The following SETDB2 variants were observed in gnomAD, a reference collection of about 807,000 sequenced individuals.
SETDB2 encodes SET domain bifurcated histone lysine methyltransferase 2, also known as histone-lysine N-methyltransferase SETDB2.
Under a neutral mutation model 82.5 loss-of-function variants are expected in SETDB2, and 56 were observed. The observed-to-expected ratio is 0.68, with a 90% CI of 0.55 to 0.85. The LOEUF is 0.85. Ranked by LOEUF, SETDB2 falls within the 40% of genes least tolerant of loss-of-function variation. SETDB2 has a pLI of 0.00. For synonymous variants in SETDB2, 272 were observed against 284.9 expected (o/e 0.95, Z 0.46); for missense variants, 677 against 816.4 (o/e 0.83, Z 2.08).
intron 2 of SETDB2, among the ~76,000 whole-genome samples, chr13:49,453,539 C>G (rs1472858371): frequency 2.0e-5 from 3 of 152,102 alleles, no homozygotes; most frequent in African/African-American, 7.2e-5. Context: ...CTCAAGTGAT[C>G]CACCCGCCTT....
chr13:49,471,958 A>G (rs1471526276), intron 5 of SETDB2, among the ~76,000 whole-genome samples: 95 of 134,916 alleles, frequency 7.0e-4, no homozygotes, highest in African/African-American at 2.5e-3. Flanking sequence ...TTAAATAGAG[A>G]CAGGGTCTAG....
intron 2 of SETDB2, among the ~76,000 whole-genome samples, chr13:49,458,928 A>C (rs2138851147): frequency 6.6e-6 from 1 of 152,368 alleles, no homozygotes; most frequent in African/African-American, 2.4e-5. Flanking sequence ...TCCATATAAA[A>C]GGTGCTTAGC....
In SETDB2 at chr13:49,467,877, G is replaced by C; in HGVS notation, c.222G>C (p.Val74=). 6.3e-7 allele frequency: 1 copy of C among 1,593,952 alleles called. No individual in the cohort carries two copies. The highest frequency in any genetic ancestry group is 8.5e-7 in the Non-Finnish European group (1 of 1,171,234). ...TTTTTTGTGTAGATCCTATGCCTGTGACTCAGAAGGAACAGGAAAACAAAT... is the reference window on the plus strand; with the variant it reads ...TTTTTTGTGTAGATCCTATGCCTGTCACTCAGAAGGAACAGGAAAACAAAT... ...SSTSIKDPMP[V]TQKEQENKSN... Residue 74 remains valine (V), a synonymous_variant, in exon 5 of 14, where the codon GTG becomes GTC. Transcript: ENST00000611815.
Position 49,488,270 on chromosome 13 carries a change from C to G in SETDB2, c.1577-20C>G, listed in dbSNP as rs1167254199. 1.3e-6 allele frequency: 2 copies of G among 1,549,162 alleles called. No homozygotes were observed. Among genetic ancestry groups the G allele is most frequent in the Non-Finnish European group, 1.7e-6 (2 of 1,155,144 alleles). Reference sequence around the variant, plus strand: ...TCAGCAAGTATATTTCCTGATGTTTCCTTCCAAAATGTCTATTAGAGGACT... The same window carrying G: ...TCAGCAAGTATATTTCCTGATGTTTGCTTCCAAAATGTCTATTAGAGGACT... On this transcript the variant is annotated intron_variant, in intron 11 of 13. Coordinates refer to ENST00000611815, the MANE Select transcript of SETDB2 (RefSeq NM_001160308.3).
chr13:49,447,059 G>T (rs954095595), intron 1 of SETDB2, among the ~76,000 whole-genome samples: 3 of 152,100 alleles, frequency 2.0e-5, no homozygotes, highest in African/African-American at 7.2e-5. Flanking sequence ...TTTTTGCCTA[G>T]TGATGGCTGC....
At chr13:49,472,549 T>C (rs552990242) in intron 5 of SETDB2, among the ~76,000 whole-genome samples, 6 of 152,360 alleles carry the variant, frequency 3.9e-5, no homozygotes, top group African/African-American at 1.2e-4. Flanking sequence ...GGGTTTACAA[T>C]ACTGTGCATA....
chr13:49,449,366 T>C (rs971870182), intron 1 of SETDB2, among the ~76,000 whole-genome samples: 1 of 152,092 alleles, frequency 6.6e-6, no homozygotes, highest in Non-Finnish European at 1.5e-5. Flanking sequence ...TTTTCCTCCC[T>C]CAGCCTCCCA....
At chr13:49,451,245 ATAGT>A (rs921894755) in intron 1 of SETDB2, among the ~76,000 whole-genome samples, 20 of 151,088 alleles carry the variant, frequency 1.3e-4, no homozygotes, top group East Asian at 5.8e-4. Flanking sequence ...AACCTGTGAG[ATAGT>A]TAGTATTATC....
In SETDB2 at chr13:49,457,214, A is replaced by ACTT. The variant is rs200888873; in HGVS notation, c.17-2892_17-2890dup. On this transcript the variant is annotated intron_variant, in intron 2 of 13. Coordinates refer to ENST00000611815, the MANE Select transcript of SETDB2 (RefSeq NM_001160308.3). ...AGTAGCATGTATTGGCATTTCTAAG[A>ACTT]CTTTTTTTTTTTTTTTGAAAGAGTC... 6.7e-3 allele frequency among the ~76,000 whole-genome samples: 266 copies of ACTT among 39,760 alleles called. 9 individuals are homozygous for ACTT. Among genetic ancestry groups the ACTT allele is most frequent in the African/African-American group, 0.037 (173 of 4,626 alleles). 26.1% of individuals were successfully genotyped at this position (39,760 alleles called of 152,430 possible). A position where few individuals can be genotyped will look rare whatever the true frequency, so the allele number is the denominator to read the frequency against.
chr13:49,481,582 A>G (rs573574678), intron 8 of SETDB2, among the ~76,000 whole-genome samples: 66 of 152,332 alleles, frequency 4.3e-4, no homozygotes, highest in South Asian at 4.1e-4. Flanking sequence ...ACTTTAGGCA[A>G]CTCACTCTAT....
intron 4 of SETDB2, chr13:49,463,943 G>A (rs1334692558): frequency 7.1e-6 from 5 of 707,144 alleles, no homozygotes; most frequent in South Asian, 6.0e-5. Flanking sequence ...GCTGCCTCTG[G>A]GATAAGTCAT....
intron 2 of SETDB2, among the ~76,000 whole-genome samples, chr13:49,452,882 CT>C (rs1957809600): frequency 6.6e-6 from 1 of 152,142 alleles, no homozygotes; most frequent in Non-Finnish European, 1.5e-5. Flanking sequence ...AGGGTACATG[CT>C]GTCAGCATGA....
chr13:49,469,103 G>A (rs1431005729), intron 5 of SETDB2, among the ~76,000 whole-genome samples: 1 of 152,044 alleles, frequency 6.6e-6, no homozygotes, highest in Non-Finnish European at 1.5e-5. Context: ...CATTATACCA[G>A]CTTATCAGAA....
At chr13:49,474,749 G>A (rs1020194186) in intron 5 of SETDB2, among the ~76,000 whole-genome samples, 47 of 152,308 alleles carry the variant, frequency 3.1e-4, no homozygotes, top group African/African-American at 1.1e-3. Context: ...CTATACAGTC[G>A]GAGAAAGGAT....
intron 5 of SETDB2, among the ~76,000 whole-genome samples, chr13:49,471,934 A>ATATATATTT (rs1378783393): frequency 8.4e-6 from 1 of 119,260 alleles, no homozygotes; most frequent in South Asian, 2.9e-4. Flanking sequence ...ATATATATAT[A>ATATATATTT]TTTTTTTTTT....
chr13:49,467,918 C>G lies in SETDB2; in HGVS notation c.263C>G (p.Ser88Cys), dbSNP rs376885080. The change falls in exon 5 of 14, where the codon TCT becomes TGT. Residue 88 changes from serine to cysteine, a missense_variant. By Grantham distance (112) the Ser-to-Cys change is moderately radical. Transcript: ENST00000611815. ...EQENKSNAFP[S>C]TSCENSFPED... ...GAAAACAAATCCAATGCATTTCCCT[C>G]TACATCATGTGAAAACTCCTTTCCA... 8.1e-6 allele frequency: 13 copies of G among 1,610,862 alleles called. No individual in the cohort carries two copies. The highest frequency in any genetic ancestry group is 1.1e-5 in the Non-Finnish European group (13 of 1,178,934).
At chr13:49,485,882 T>A in intron 11 of SETDB2, 159 bp downstream of exon 11, 2 of 778,128 alleles carry the variant, frequency 2.6e-6, no homozygotes, top group Non-Finnish European at 4.7e-6. Context: ...AAATATCGTG[T>A]GTGGGCCAAA....
At chr13:49,464,400 C>T (rs111338890) in intron 4 of SETDB2, among the ~76,000 whole-genome samples, 131 of 152,268 alleles carry the variant, frequency 8.6e-4, no homozygotes, top group African/African-American at 3.2e-3. Flanking sequence ...GTTACTATAT[C>T]TCATCTGGAC....
At position 49,490,903 on chromosome 13, in the gene SETDB2, A is replaced by G; in HGVS notation, c.1999A>G (p.Thr667Ala). ...NRNFPLVAFF[T>A]NRYVKARTEL... ...GAATTTTCCATTGGTGGCATTCTTC[A>G]CCAACAGGTTTGAAATTGATTTCGC... The change falls in exon 13 of 14, where the codon ACC becomes GCC. Residue 667 changes from threonine to alanine, a missense_variant. Coordinates refer to ENST00000611815, the MANE Select transcript of SETDB2 (RefSeq NM_001160308.3). 6.2e-7 allele frequency: 1 copy of G among 1,612,488 alleles called. No homozygotes were observed. Among genetic ancestry groups the G allele is most frequent in the Non-Finnish European group, 8.5e-7 (1 of 1,178,760 alleles).
Sources: gnomAD v4.1 joint callset for allele counts (sites outside exome capture counted in the v4.1 genomes callset) on GRCh38, gnomAD v4.1.1 for gene constraint, MANE v1.5 for transcripts, NCBI Gene and HGNC (gene_info 2026-07-23, HGNC 2026-07-21) for gene names.